DUSP16: variants seen among roughly 807,000 people sequenced by gnomAD.
The protein encoded by DUSP16 is dual specificity protein phosphatase 16.
In DUSP16, 21 loss-of-function variants were observed where a neutral mutation model predicts 58.3. That is an observed-to-expected ratio of 0.36 (90% CI 0.26 to 0.52). The LOEUF is 0.52. Among genes scored for constraint, DUSP16 ranks in the 20% least tolerant of loss-of-function variants. The pLI, the probability that DUSP16 is intolerant of heterozygous loss-of-function variation, is 0.94. For missense variants in DUSP16, 726 were observed against 819.0 expected (o/e 0.89, Z 1.39); for synonymous variants, 320 against 323.8 (o/e 0.99, Z 0.12).
intron 4 of DUSP16, among the ~76,000 whole-genome samples, chr12:12,495,236 CAAAAA>C (rs10555943): frequency 1.1e-4 from 11 of 98,938 alleles, no homozygotes; most frequent in East Asian, 5.5e-4. Context: ...AAAGCCATTA[CAAAAA>C]AAAAAAAAAA....
chr12:12,548,366 T>C (rs1467204723), intron 1 of DUSP16, among the ~76,000 whole-genome samples: 1 of 152,168 alleles, frequency 6.6e-6, no homozygotes, highest in Non-Finnish European at 1.5e-5. Flanking sequence ...CTGGGCACAG[T>C]GGCTCATGCC....
intron 1 of DUSP16, among the ~76,000 whole-genome samples, chr12:12,545,212 T>C (rs1182937378): frequency 1.3e-5 from 2 of 152,212 alleles, no homozygotes; most frequent in Non-Finnish European, 1.5e-5. Flanking sequence ...ATTACTGTTA[T>C]ATAGAAATAT....
intron 3 of DUSP16, among the ~76,000 whole-genome samples, chr12:12,518,241 G>A (rs913647114): frequency 6.6e-6 from 1 of 152,138 alleles, no homozygotes; most frequent in African/African-American, 2.4e-5. Context: ...CTGGCTGGGT[G>A]TGGTGGCTCA....
At chr12:12,483,500 G>T (rs1943616319) in intron 5 of DUSP16, among the ~76,000 whole-genome samples, 1 of 151,706 alleles carries the variant, frequency 6.6e-6, no homozygotes. Context: ...GAAGTGCACA[G>T]AAGTTTGAAG....
chr12:12,525,274 C>CT (rs1292993921), intron 1 of DUSP16, among the ~76,000 whole-genome samples: 6,400 of 144,984 alleles, frequency 0.044, 346 homozygotes, highest in African/African-American at 0.13. Context: ...TGTAGAAATT[C>CT]TTTTTTTTTT....
intron 1 of DUSP16, among the ~76,000 whole-genome samples, chr12:12,540,848 G>A (rs891320721): frequency 6.6e-6 from 1 of 151,922 alleles, no homozygotes; most frequent in African/African-American, 2.4e-5. Flanking sequence ...CCTGTCAGCT[G>A]GTCCCTAAAG....
At chr12:12,479,288 A>C (rs1029047963) in intron 6 of DUSP16, among the ~76,000 whole-genome samples, 3 of 151,916 alleles carry the variant, frequency 2.0e-5, no homozygotes, top group Non-Finnish European at 4.4e-5. Flanking sequence ...GAAAAAAAAA[A>C]CTTGGAAATC....
Position 12,508,300 on chromosome 12 carries a change from T to TG in DUSP16, c.368-7619dup, listed in dbSNP as rs1157014974. On this transcript the variant is annotated intron_variant, in intron 3 of 6. Transcript: ENST00000298573. ...TTTCGGGATCAGCAGACAGTAAACA[T>TG]GGAGAGTTGAAACTAGTTGAAGAAA... is the stretch of plus-strand genomic sequence containing the variant. 3.3e-5 allele frequency among the ~76,000 whole-genome samples: 5 copies of TG among 151,350 alleles called. 1 individual carries two copies. Among genetic ancestry groups the TG allele is most frequent in the South Asian group, 4.2e-4 (2 of 4,778 alleles).
At chr12:12,539,369 G>A (rs1944516626) in intron 1 of DUSP16, among the ~76,000 whole-genome samples, 1 of 152,122 alleles carries the variant, frequency 6.6e-6, no homozygotes, top group Non-Finnish European at 1.5e-5. Flanking sequence ...GGATATGCTG[G>A]GGCACAGAGC....
intron 1 of DUSP16, among the ~76,000 whole-genome samples, chr12:12,559,287 T>A (rs1022291227): frequency 6.6e-6 from 1 of 152,234 alleles, no homozygotes; most frequent in African/African-American, 2.4e-5. Context: ...TTTTAAATGA[T>A]CAGTAAATTT....
chr12:12,539,152 G>A (rs1944512759), intron 1 of DUSP16, among the ~76,000 whole-genome samples: 1 of 152,194 alleles, frequency 6.6e-6, no homozygotes, highest in Non-Finnish European at 1.5e-5. Flanking sequence ...TTGGAAGGCA[G>A]TTTAAGAGAG....
chr12:12,552,344 G>A (rs921757299), intron 1 of DUSP16, among the ~76,000 whole-genome samples: 4 of 152,050 alleles, frequency 2.6e-5, no homozygotes, highest in Non-Finnish European at 5.9e-5. Flanking sequence ...TACTTGAGAG[G>A]CTGAGGCAGG....
At chr12:12,479,518 A>G (rs978221663) in intron 6 of DUSP16, among the ~76,000 whole-genome samples, 1 of 152,136 alleles carries the variant, frequency 6.6e-6, no homozygotes, top group Admixed American at 6.5e-5. Context: ...CTGACTTAAC[A>G]TGGGAAGCTG....
intron 1 of DUSP16, among the ~76,000 whole-genome samples, chr12:12,523,766 G>A (rs954311346): frequency 6.6e-6 from 1 of 152,190 alleles, no homozygotes; most frequent in Non-Finnish European, 1.5e-5. Context: ...GGCAATGTAA[G>A]GTCCTGTATT....
At chr12:12,515,604 A>G (rs549844865) in intron 3 of DUSP16, among the ~76,000 whole-genome samples, 1 of 152,110 alleles carries the variant, frequency 6.6e-6, no homozygotes, top group Non-Finnish European at 1.5e-5. Flanking sequence ...CTGGGATTAC[A>G]GGTGTGAGCC....
At chr12:12,558,597 TC>T (rs1397429031) in intron 1 of DUSP16, among the ~76,000 whole-genome samples, 1 of 152,108 alleles carries the variant, frequency 6.6e-6, no homozygotes, top group Non-Finnish European at 1.5e-5. Flanking sequence ...CCAGGGCTGT[TC>T]TCAACACCTG....
chr12:12,558,557 T>C (rs776785650), intron 1 of DUSP16, among the ~76,000 whole-genome samples: 1 of 152,122 alleles, frequency 6.6e-6, no homozygotes, highest in Non-Finnish European at 1.5e-5. Context: ...GCTAATTTTT[T>C]GATTTTCTGT....
intron 1 of DUSP16, among the ~76,000 whole-genome samples, chr12:12,526,181 T>C (rs1296839263): frequency 6.6e-6 from 1 of 152,224 alleles, no homozygotes; most frequent in Non-Finnish European, 1.5e-5. Context: ...TCAGCAAATC[T>C]CCTAAAGAAA....
chr12:12,481,099 G>T (rs898716254), intron 5 of DUSP16, among the ~76,000 whole-genome samples: 4 of 152,040 alleles, frequency 2.6e-5, no homozygotes, highest in African/African-American at 9.7e-5. Flanking sequence ...ACCTTGTATA[G>T]GCTATGAATC....
Sources: allele counts gnomAD v4.1 joint callset (sites outside exome capture counted in the v4.1 genomes callset), GRCh38; gene constraint gnomAD v4.1.1; transcripts MANE v1.5; gene names NCBI Gene and HGNC (gene_info 2026-07-23, HGNC 2026-07-21).